Variants in WNK3 observed in about 807,000 individuals in gnomAD.
WNK3 encodes the protein WNK lysine deficient protein kinase 3, also known as serine/threonine-protein kinase WNK3.
WNK3 carries 18 observed loss-of-function variants against 116.7 expected under a neutral mutation model. The observed-to-expected ratio is 0.15, with a 90% CI of 0.11 to 0.23. WNK3 has a LOEUF of 0.23. Among genes scored for constraint, WNK3 ranks in the 10% least tolerant of loss-of-function variants. WNK3 has a pLI of 1.00. For synonymous variants in WNK3, 404 were observed against 469.4 expected, an observed-to-expected ratio of 0.86 and a Z score of 1.80; for missense variants, 993 against 1,323.8, an observed-to-expected ratio of 0.75 and a Z score of 3.88.
exon 24 of WNK3, chrX:54,195,721 C>T (rs972664357): frequency 1.8e-5 from 2 of 111,437 alleles, no homozygotes; most frequent in Admixed American, 1.9e-4. Context: ...TATGATAACC[C>T]GGTTACTGCA....
intron 22 of WNK3, among the ~76,000 whole-genome samples, chrX:54,206,223 A>G (rs1054491501): frequency 9.1e-6 from 1 of 110,041 alleles, no homozygotes; most frequent in East Asian, 2.8e-4. Flanking sequence ...ACATAGGAGG[A>G]TCTCGTCTCA....
At chrX:54,304,566 G>A (rs913927185) in intron 5 of WNK3, among the ~76,000 whole-genome samples, 30 of 107,378 alleles carry the variant, frequency 2.8e-4, no homozygotes, top group African/African-American at 9.5e-4. Flanking sequence ...TCATATAATC[G>A]TCCCCCCTAA....
At chrX:54,344,937 C>A (rs1338356852) in intron 1 of WNK3, among the ~76,000 whole-genome samples, 1 of 83,538 alleles carries the variant, frequency 1.2e-5, no homozygotes. Flanking sequence ...GAGCGAGACT[C>A]CCTCTCAAAA....
chrX:54,328,886 C>T (rs1461777060), intron 2 of WNK3, among the ~76,000 whole-genome samples: 2 of 110,358 alleles, frequency 1.8e-5, no homozygotes, highest in Non-Finnish European at 3.8e-5. Context: ...AACTCTGGGG[C>T]TCAAGTGACT....
chrX:54,348,118 G>GCA (rs1557177962), intron 1 of WNK3, among the ~76,000 whole-genome samples: 8 of 97,732 alleles, frequency 8.2e-5, no homozygotes, highest in African/African-American at 3.7e-4. Context: ...AGATTTCATT[G>GCA]TATATATGTG....
intron 11 of WNK3, among the ~76,000 whole-genome samples, chrX:54,258,465 C>T (rs1277653880): frequency 9.2e-5 from 10 of 108,290 alleles, no homozygotes; most frequent in Non-Finnish European, 1.9e-4. Context: ...TCCCAAGTAG[C>T]TGGGATTACA....
intron 17 of WNK3, among the ~76,000 whole-genome samples, chrX:54,247,567 A>G (rs1293806430): frequency 9.1e-6 from 1 of 110,477 alleles, no homozygotes; most frequent in African/African-American, 3.3e-5. Flanking sequence ...AAATATTTGT[A>G]TATTAATTAA....
intron 10 of WNK3, among the ~76,000 whole-genome samples, chrX:54,269,186 A>C (rs1557158647): frequency 9.0e-6 from 1 of 111,618 alleles, no homozygotes; most frequent in Non-Finnish European, 1.9e-5. Context: ...TGGCCTCTGC[A>C]TTGCAATACT....
chrX:54,240,620 C>A (rs1353735946), intron 17 of WNK3, among the ~76,000 whole-genome samples: 1 of 111,625 alleles, frequency 9.0e-6, no homozygotes, highest in Non-Finnish European at 1.9e-5. Context: ...ATATGACTGA[C>A]AGAGGAAAAA....
chrX:54,271,877 T>G (rs903536070), intron 10 of WNK3, among the ~76,000 whole-genome samples: 3 of 111,751 alleles, frequency 2.7e-5, no homozygotes, highest in South Asian at 7.6e-4. Flanking sequence ...TTCTAACTGA[T>G]TTACATTACA....
At position 54,321,271 on chromosome X, in the gene WNK3, C is replaced by G. The variant is rs1365058488; in HGVS notation, c.538-9980G>C. 1.9e-4 allele frequency among the ~76,000 whole-genome samples: 21 copies of G among 111,553 alleles called. No individual in the cohort carries two copies. The Admixed American group carries it at 2.0e-3, about 11-fold the overall frequency. Reference sequence around the variant, plus strand: ...TACTCTTTATTCTTTTTAGTACATCCAAAGTATTTATCATGTTTTTCTTTA... The same window carrying G: ...TACTCTTTATTCTTTTTAGTACATCGAAAGTATTTATCATGTTTTTCTTTA... On this transcript the variant is annotated intron_variant, in intron 2 of 23. Coordinates refer to ENST00000354646, the Ensembl canonical transcript of WNK3.
intron 22 of WNK3, among the ~76,000 whole-genome samples, chrX:54,203,906 C>T (rs1230119809): frequency 9.1e-6 from 1 of 110,183 alleles, no homozygotes; most frequent in Non-Finnish European, 1.9e-5. Flanking sequence ...GAGATCACGC[C>T]ATTGTACTCC....
chrX:54,285,222 C>T (rs1232208965), intron 10 of WNK3, among the ~76,000 whole-genome samples: 1 of 110,397 alleles, frequency 9.1e-6, no homozygotes, highest in African/African-American at 3.3e-5. Flanking sequence ...GCCTGGGCAA[C>T]ATGGCAAGAC....
exon 24 of WNK3, chrX:54,198,262 A>T: frequency 1.0e-6 from 1 of 967,220 alleles, no homozygotes; most frequent in Non-Finnish European, 1.4e-6. Flanking sequence ...AAACTTTAAT[A>T]TCTTGGGTGT....
At chrX:54,346,320 G>T (rs1249817352) in intron 1 of WNK3, among the ~76,000 whole-genome samples, 2 of 101,028 alleles carry the variant, frequency 2.0e-5, no homozygotes, top group Non-Finnish European at 4.0e-5. Context: ...AGGCTCGGTC[G>T]GCCGGGAGTG....
intron 2 of WNK3, 104 bp downstream of exon 2, chrX:54,333,033 T>C (rs782678610): frequency 1.6e-5 from 9 of 579,463 alleles, no homozygotes; most frequent in Non-Finnish European, 2.4e-5. Context: ...GGACAAGCCC[T>C]TTATTTTATT....
chrX:54,342,396 T>C (rs1557176617), intron 1 of WNK3, among the ~76,000 whole-genome samples: 1 of 110,653 alleles, frequency 9.0e-6, no homozygotes. Context: ...TGAAACCCTG[T>C]CTTTACTAAA....
Position 54,309,328 on chromosome X carries a change from A to G in WNK3, c.711-13T>C. 1 of 1,142,428 alleles carries G rather than the reference A, an allele frequency of 8.8e-7. No homozygotes were observed. Among genetic ancestry groups the G allele is most frequent in the Non-Finnish European group, 1.2e-6 (1 of 834,817 alleles). 94.1% of individuals were successfully genotyped at this position (1,142,428 alleles called of 1,213,427 possible). A position where few individuals can be genotyped will look rare whatever the true frequency, so the allele number is the denominator to read the frequency against. The stretch of plus-strand genomic sequence containing the variant: ...TCGTTTTAAGTACCTATACAAAGAA[A>G]CAAAAGACCATGTGTAAACAAACAT... On this transcript the variant is annotated splice_polypyrimidine_tract_variant and intron_variant, in intron 3 of 23. Coordinates refer to ENST00000354646, the Ensembl canonical transcript of WNK3.
chrX:54,235,411 T>G, intron 20 of WNK3, among the ~76,000 whole-genome samples: 1 of 111,984 alleles, frequency 8.9e-6, no homozygotes. Flanking sequence ...CTCAGCCTCC[T>G]GAGTAGCTGG....
Sources: gnomAD v4.1 joint callset for allele counts (sites outside exome capture counted in the v4.1 genomes callset) on GRCh38, gnomAD v4.1.1 for gene constraint, MANE v1.5 for transcripts, NCBI Gene and HGNC (gene_info 2026-07-23, HGNC 2026-07-21) for gene names.